ANKRD31: variants seen among roughly 807,000 people sequenced by gnomAD.
The protein encoded by ANKRD31 is ankyrin repeat domain-containing protein 31.
Under a neutral mutation model 186.0 loss-of-function variants are expected in ANKRD31, and 147 were observed. The observed-to-expected ratio is 0.79, with a 90% CI of 0.69 to 0.91. The LOEUF is 0.91. Ranked by LOEUF, ANKRD31 falls within the 40% of genes least tolerant of loss-of-function variation. The probability of loss-of-function intolerance (pLI) is 0.00; values close to 1 mark genes in which losing one functional copy is unlikely to be tolerated. For synonymous variants in ANKRD31, 673 were observed against 736.4 expected (o/e 0.91, Z 1.39); for missense variants, 1,986 against 2,148.8 (o/e 0.92, Z 1.50).
At chr5:75,133,624 A>C (rs1750071006) in intron 17 of ANKRD31, among the ~76,000 whole-genome samples, 1 of 152,176 alleles carries the variant, frequency 6.6e-6, no homozygotes, top group African/African-American at 2.4e-5. Flanking sequence ...AAAGTTAACA[A>C]GGATATCCAG....
At chr5:75,148,665 C>T in intron 12 of ANKRD31, 37 bp from the exon 13 acceptor site, 1 of 1,483,124 alleles carries the variant, frequency 6.7e-7, no homozygotes, top group Non-Finnish European at 9.0e-7. Flanking sequence ...AAAACAGCTT[C>T]TAGTGTTTAG....
intron 2 of ANKRD31, among the ~76,000 whole-genome samples, chr5:75,224,139 A>ATTT (rs1757481008): frequency 1.6e-5 from 1 of 63,610 alleles, no homozygotes; most frequent in Non-Finnish European, 2.7e-5. Flanking sequence ...TTATATATAT[A>ATTT]TATATATATA....
At chr5:75,114,553 T>C (rs1193783614) in intron 19 of ANKRD31, among the ~76,000 whole-genome samples, 1 of 152,110 alleles carries the variant, frequency 6.6e-6, no homozygotes, top group Non-Finnish European at 1.5e-5. Flanking sequence ...GCTGAGACAA[T>C]GGGGTTTTCT....
At chr5:75,121,853 G>T (rs919853726) in intron 17 of ANKRD31, among the ~76,000 whole-genome samples, 1 of 151,878 alleles carries the variant, frequency 6.6e-6, no homozygotes, top group Non-Finnish European at 1.5e-5. Flanking sequence ...TATATCAAAA[G>T]AATAGAAAGA....
At chr5:75,197,478 T>C (rs1221000611) in intron 6 of ANKRD31, among the ~76,000 whole-genome samples, 1 of 152,178 alleles carries the variant, frequency 6.6e-6, no homozygotes, top group Admixed American at 6.6e-5. Flanking sequence ...GCAAAACCAC[T>C]TTATTCTTCC....
chr5:75,103,680 C>T (rs574376622), intron 22 of ANKRD31, among the ~76,000 whole-genome samples: 12 of 152,126 alleles, frequency 7.9e-5, no homozygotes, highest in African/African-American at 1.9e-4. Context: ...TAAAAAGGAA[C>T]GAGATCATGT....
intron 11 of ANKRD31, among the ~76,000 whole-genome samples, chr5:75,165,578 C>T (rs73131028): frequency 0.037 from 5,615 of 152,042 alleles, 334 homozygotes; most frequent in African/African-American, 0.13. Flanking sequence ...TCACTGAAAA[C>T]GCCTAAAAGC....
intron 25 of ANKRD31, among the ~76,000 whole-genome samples, chr5:75,078,326 T>C (rs1024092701): frequency 6.6e-6 from 1 of 152,166 alleles, no homozygotes; most frequent in Non-Finnish European, 1.5e-5. Context: ...AGCATGATAA[T>C]AGAACTGAAA....
At chr5:75,124,566 TGTG>T (rs1749056783) in intron 17 of ANKRD31, among the ~76,000 whole-genome samples, 1 of 151,832 alleles carries the variant, frequency 6.6e-6, no homozygotes, top group African/African-American at 2.4e-5. Flanking sequence ...ATAAATAAAA[TGTG>T]GTAAATAACA....
At chr5:75,166,141 C>T (rs369081742) in intron 11 of ANKRD31, among the ~76,000 whole-genome samples, 38 of 152,078 alleles carry the variant, frequency 2.5e-4, no homozygotes, top group African/African-American at 8.9e-4. Flanking sequence ...AGAGTTCTAC[C>T]ACATAATATA....
chr5:75,082,893 C>A (rs1156451956), intron 24 of ANKRD31, among the ~76,000 whole-genome samples: 1 of 152,096 alleles, frequency 6.6e-6, no homozygotes, highest in Non-Finnish European at 1.5e-5. Context: ...AAACTGGAAC[C>A]CTTGTACATT....
chr5:75,121,839 T>C (rs1051219639), intron 17 of ANKRD31, among the ~76,000 whole-genome samples: 3 of 151,990 alleles, frequency 2.0e-5, no homozygotes, highest in African/African-American at 7.3e-5. Flanking sequence ...TAGCATCAAA[T>C]GCCTATATCA....
intron 17 of ANKRD31, among the ~76,000 whole-genome samples, chr5:75,137,072 T>G (rs1750645981): frequency 6.6e-6 from 1 of 152,016 alleles, no homozygotes; most frequent in Non-Finnish European, 1.5e-5. Flanking sequence ...AAATGATGAG[T>G]TGATGGGTGC....
At chr5:75,213,573 C>T (rs1258283540) in intron 3 of ANKRD31, among the ~76,000 whole-genome samples, 1 of 152,194 alleles carries the variant, frequency 6.6e-6, no homozygotes, top group African/African-American at 2.4e-5. Flanking sequence ...TGCAAGAATA[C>T]ATGTCAATCA....
At position 75,105,017 on chromosome 5, in the gene ANKRD31, G is replaced by A. The variant is rs543209682; in HGVS notation, c.4542C>T (p.Asp1514=). Residue 1514 remains aspartate, a synonymous_variant, in exon 22 of 26, where the codon GAC becomes GAT. Transcript: ENST00000506364. ...PPRSEISSEK[D]SQELTSLENL... The stretch of plus-strand genomic sequence containing the variant: ...TTTCCAGACTAGTGAGCTCTTGGCT[G>A]TCTTTTTCACTAGAGATTTCTGATC... The A allele has an allele frequency of 2.5e-5, 39 of 1,536,712 alleles. No individual in the cohort carries two copies. The highest frequency in any genetic ancestry group is 3.3e-5 in the Non-Finnish European group (38 of 1,146,778).
At chr5:75,165,540 A>AT (rs1217147704) in intron 11 of ANKRD31, among the ~76,000 whole-genome samples, 10 of 152,176 alleles carry the variant, frequency 6.6e-5, no homozygotes, top group African/African-American at 2.2e-4. Flanking sequence ...TAAACTCATG[A>AT]TTTTTTTTCC....
chr5:75,180,719 T>C lies in ANKRD31; in HGVS notation c.1564+7774A>G, dbSNP rs1580501127. ...AAACTGGATCCCTTCCTTACACCTA[T>C]ACAAAAATTAATTCAAGATGGATTG... On this transcript the variant is annotated intron_variant, in intron 10 of 25. Transcript: ENST00000506364. Among the ~76,000 whole-genome samples, 3 of 152,224 alleles carry C rather than the reference T, an allele frequency of 2.0e-5. No homozygotes were observed. The South Asian group carries it at 6.2e-4, about 32-fold the overall frequency.
chr5:75,187,097 C>T (rs1229299174), intron 10 of ANKRD31, among the ~76,000 whole-genome samples: 3 of 87,924 alleles, frequency 3.4e-5, no homozygotes, highest in Admixed American at 1.2e-4. Flanking sequence ...CAAACATTGC[C>T]GGTGATTCTG....
intron 17 of ANKRD31, among the ~76,000 whole-genome samples, chr5:75,136,588 T>C (rs1400817549): frequency 6.6e-6 from 1 of 152,194 alleles, no homozygotes; most frequent in Non-Finnish European, 1.5e-5. Context: ...AGTTCAACCA[T>C]TGTGGAAGAC....
Sources: gnomAD v4.1 joint callset for allele counts (sites outside exome capture counted in the v4.1 genomes callset) on GRCh38, gnomAD v4.1.1 for gene constraint, MANE v1.5 for transcripts, NCBI Gene and HGNC (gene_info 2026-07-23, HGNC 2026-07-21) for gene names.